The following MIA2 variants were observed in gnomAD, a reference collection of about 807,000 sequenced individuals.
The protein encoded by MIA2 is MIA SH3 domain ER export factor 2.
MIA2 carries 127 observed loss-of-function variants against 167.8 expected under a neutral mutation model. The ratio of observed to expected loss-of-function variants is 0.76; its 90% CI spans 0.66 to 0.88. The LOEUF (loss-of-function observed/expected upper bound fraction) is 0.88, where lower values mean the gene tolerates loss of function less well. Among genes scored for constraint, MIA2 ranks in the 40% least tolerant of loss-of-function variants. The probability of loss-of-function intolerance (pLI) is 0.00; values close to 1 mark genes in which losing one functional copy is unlikely to be tolerated. For synonymous variants in MIA2, 552 were observed against 541.9 expected (o/e 1.02, Z -0.26); for missense variants, 1,690 against 1,624.7 (o/e 1.04, Z -0.69).
chr14:39,289,705 A>ACT (rs2060466241), intron 9 of MIA2, among the ~76,000 whole-genome samples: 1 of 151,822 alleles, frequency 6.6e-6, no homozygotes, highest in Non-Finnish European at 1.5e-5. Flanking sequence ...CTGGCCTTGA[A>ACT]CTCTTGGCCT....
At chr14:39,347,874 T>A in intron 27 of MIA2, 103 bp downstream of exon 27, 1 of 1,111,940 alleles carries the variant, frequency 9.0e-7, no homozygotes, top group Non-Finnish European at 1.2e-6. Context: ...CAAGCTGGAG[T>A]GCAGTGGCGC....
intron 4 of MIA2, among the ~76,000 whole-genome samples, chr14:39,251,329 C>A (rs1202498625): frequency 7.0e-6 from 1 of 143,568 alleles, no homozygotes; most frequent in Non-Finnish European, 1.5e-5. Context: ...CTCCCCAGTA[C>A]AGTTAAATAT....
intron 23 of MIA2, among the ~76,000 whole-genome samples, chr14:39,371,995 C>G (rs1156536736): frequency 1.3e-5 from 2 of 151,696 alleles, no homozygotes; most frequent in African/African-American, 4.8e-5. Flanking sequence ...TAGCAAAAGT[C>G]TTAAGGATGG....
chr14:39,375,169 T>C (rs1382955389), intron 23 of MIA2, among the ~76,000 whole-genome samples: 1 of 152,242 alleles, frequency 6.6e-6, no homozygotes, highest in South Asian at 2.1e-4. Context: ...TTCTAGATTG[T>C]TTTTCATTTA....
chr14:39,367,366 G>C (rs1165834214), intron 23 of MIA2, among the ~76,000 whole-genome samples: 1 of 152,228 alleles, frequency 6.6e-6, no homozygotes, highest in Non-Finnish European at 1.5e-5. Flanking sequence ...GCCTAGTCTG[G>C]TGGGGCTGGA....
chr14:39,331,708 AC>A (rs2068923132), intron 25 of MIA2, among the ~76,000 whole-genome samples: 2 of 152,182 alleles, frequency 1.3e-5, no homozygotes, highest in East Asian at 3.9e-4. Flanking sequence ...TTTTTCCTTT[AC>A]TTATAAAGCT....
chr14:39,339,473 CTA>C (rs920709202), intron 25 of MIA2, among the ~76,000 whole-genome samples: 73 of 152,162 alleles, frequency 4.8e-4, no homozygotes, highest in East Asian at 1.9e-3. Flanking sequence ...AATGTTAACT[CTA>C]TATTTTTTGT....
chr14:39,340,424 TCTTTC>T (rs987006305), intron 25 of MIA2, among the ~76,000 whole-genome samples: 4 of 152,236 alleles, frequency 2.6e-5, no homozygotes, highest in East Asian at 1.9e-4. Flanking sequence ...CAGTTTTGAC[TCTTTC>T]CTTGGGAAAC....
Position 39,247,352 on chromosome 14 carries a change from G to A in MIA2, c.778G>A (p.Asp260Asn). Reference sequence around the variant, plus strand: ...TCGGAGTAGAAAAATAGCAGTGGAAGATGAGAATGACCTAGAGGAATTAAA... The same window carrying A: ...TCGGAGTAGAAAAATAGCAGTGGAAAATGAGAATGACCTAGAGGAATTAAA... ...SFRSRKIAVE[D>N]ENDLEELNNG... The change falls in exon 4 of 29, where the codon GAT becomes AAT. Residue 260 changes from aspartate (D) to asparagine (N), a missense_variant. Physicochemically the swap from Asp to Asn is conservative, Grantham distance 23. Transcript: ENST00000640607. 6.2e-7 allele frequency: 1 copy of A among 1,614,096 alleles called. No homozygotes were observed.
chr14:39,260,129 T>G (rs1266094306), intron 6 of MIA2, among the ~76,000 whole-genome samples: 1 of 152,214 alleles, frequency 6.6e-6, no homozygotes, highest in South Asian at 2.1e-4. Flanking sequence ...TTGGGTTGGT[T>G]CCAAGTCTGC....
intron 7 of MIA2, among the ~76,000 whole-genome samples, chr14:39,277,869 C>T (rs1364511198): frequency 6.8e-6 from 1 of 147,178 alleles, no homozygotes; most frequent in Non-Finnish European, 1.5e-5. Context: ...CGCCTACAGC[C>T]TACAGCCTCA....
rs8004735 is a variant in MIA2, at chr14:39,343,580, C to T, written c.3656-2324C>T. On this transcript the variant is annotated intron_variant, in intron 25 of 28. Coordinates refer to ENST00000640607, the MANE Select transcript of MIA2 (RefSeq NM_001329214.4). Reference sequence around the variant, plus strand: ...TTTAGAATGCCCAGTACACTTATTCCCACTCCTTATTCATTTTTTTCTTAT... The same window carrying T: ...TTTAGAATGCCCAGTACACTTATTCTCACTCCTTATTCATTTTTTTCTTAT... Among the ~76,000 whole-genome samples, 1,244 of 152,198 alleles carry T rather than the reference C, an allele frequency of 8.2e-3. 17 individuals carry two copies. The highest frequency in any genetic ancestry group is 0.023 in the African/African-American group (974 of 41,524).
In MIA2 at chr14:39,246,977, G is replaced by C. The variant is rs570181343; in HGVS notation, c.403G>C (p.Gly135Arg). Reference sequence around the variant, plus strand: ...TGACAATGAAGATAGTGAATTAAACGGTGATTATGGTGAAAATATATATCC... The same window carrying C: ...TGACAATGAAGATAGTGAATTAAACCGTGATTATGGTGAAAATATATATCC... Reference protein sequence around the residue: ...TFDNEDSELNGDYGENIYPYE... With the variant: ...TFDNEDSELNRDYGENIYPYE... The change falls in exon 4 of 29, where the codon GGT becomes CGT. Residue 135 changes from glycine to arginine, a missense_variant. Transcript: ENST00000640607. The C allele has an allele frequency of 1.4e-5, 22 of 1,548,792 alleles. No individual in the cohort carries two copies. In the African/African-American group the frequency reaches 2.1e-4, roughly 15 times the overall value.
At position 39,314,884 on chromosome 14, in the gene MIA2, G is replaced by C. The variant is rs1206341447; in HGVS notation, c.3180+85G>C. ...ATTCTGATTTCTTTGAATTGATGCAGGAATATAATTACTTGACCAGTTGTA... is the reference window on the plus strand; with the variant it reads ...ATTCTGATTTCTTTGAATTGATGCACGAATATAATTACTTGACCAGTTGTA... On this transcript the variant is annotated intron_variant, in intron 20 of 28. Transcript: ENST00000640607. 6.6e-6 allele frequency: 7 copies of C among 1,061,116 alleles called. No individual in the cohort carries two copies. The African/African-American group carries it at 1.1e-4, about 17-fold the overall frequency. 65.7% of individuals were successfully genotyped at this position (1,061,116 alleles called of 1,614,324 possible).
At chr14:39,384,792 TCACA>T (rs760872745) in intron 23 of MIA2, among the ~76,000 whole-genome samples, 2 of 150,854 alleles carry the variant, frequency 1.3e-5, no homozygotes, top group African/African-American at 2.4e-5. Context: ...ACGCGCACAC[TCACA>T]CACACACACA....
At chr14:39,385,907 T>G in intron 23 of MIA2, 1 of 872,212 alleles carries the variant, frequency 1.1e-6, no homozygotes. Flanking sequence ...TTATCTCCTC[T>G]ACCCCATCTT....
At chr14:39,276,759 TCTTTA>T in intron 6 of MIA2, 170 bp from the exon 7 acceptor site, 1 of 598,816 alleles carries the variant, frequency 1.7e-6, no homozygotes, top group Admixed American at 3.1e-5. Flanking sequence ...ATACTGCTGT[TCTTTA>T]CTTGGCGATA....
intron 14 of MIA2, among the ~76,000 whole-genome samples, chr14:39,300,924 A>G (rs1470338269): frequency 1.6e-5 from 2 of 123,092 alleles, no homozygotes; most frequent in African/African-American, 2.9e-5. Context: ...GCATATATAT[A>G]TATACACACA....
intron 6 of MIA2, among the ~76,000 whole-genome samples, chr14:39,259,156 G>C (rs576170573): frequency 6.6e-6 from 1 of 152,234 alleles, no homozygotes; most frequent in Admixed American, 6.5e-5. Flanking sequence ...CTTTAGAGCC[G>C]GCAGGCAGGA....
Sources: gnomAD v4.1 joint callset for allele counts (sites outside exome capture counted in the v4.1 genomes callset) on GRCh38, gnomAD v4.1.1 for gene constraint, MANE v1.5 for transcripts, NCBI Gene and HGNC (gene_info 2026-07-23, HGNC 2026-07-21) for gene names.